EVC2: variants seen among roughly 807,000 people sequenced by gnomAD.
EVC2 encodes the protein EvC ciliary complex subunit 2.
A neutral mutation model predicts 149.3 loss-of-function variants in EVC2; 148 were observed. The ratio of observed to expected loss-of-function variants is 0.99; its 90% CI spans 0.87 to 1.14. The LOEUF (loss-of-function observed/expected upper bound fraction) is 1.14. Among genes scored for constraint, EVC2 ranks in the 50% most tolerant of loss-of-function variants. EVC2 has a pLI of 0.00. For missense variants in EVC2, 1,854 were observed against 1,627.3 expected (o/e 1.14, Z -2.40); for synonymous variants, 776 against 649.9 (o/e 1.19, Z -2.95).
Position 5,610,033 on chromosome 4 carries a change from A to G in EVC2, c.2829+5389T>C, listed in dbSNP as rs568647582. ...ATGCAGAGTCTGAAGACCAGTCGTGACCCTGGAGTCACTTCACCTCCCTGT... is the reference window on the plus strand; with the variant it reads ...ATGCAGAGTCTGAAGACCAGTCGTGGCCCTGGAGTCACTTCACCTCCCTGT... On this transcript the variant is annotated intron_variant, in intron 16 of 21. Transcript: ENST00000344408. Among the ~76,000 whole-genome samples the G allele has an allele frequency of 2.0e-5, 3 of 152,256 alleles. No homozygotes were observed. In the South Asian group the frequency reaches 6.2e-4, roughly 32 times the overall value.
At chr4:5,593,012 T>G (rs1712969090) in intron 16 of EVC2, among the ~76,000 whole-genome samples, 1 of 152,210 alleles carries the variant, frequency 6.6e-6, no homozygotes, top group African/African-American at 2.4e-5. Context: ...TGATGGTTTT[T>G]TAAGGGATTT....
chr4:5,706,948 T>A (rs898221516), intron 1 of EVC2, among the ~76,000 whole-genome samples: 10 of 152,068 alleles, frequency 6.6e-5, no homozygotes, highest in African/African-American at 2.4e-4. Flanking sequence ...GTAGGCACCG[T>A]CCCTCCCTTC....
chr4:5,663,233 T>C lies in EVC2; in HGVS notation c.1019A>G (p.Glu340Gly). Residue 340 changes from glutamate to glycine, a missense_variant, in exon 9 of 22, where the codon GAG (glutamate) becomes GGG (glycine). Glu to Gly is a moderately conservative substitution (Grantham distance 98). Coordinates refer to ENST00000344408, the MANE Select transcript of EVC2 (RefSeq NM_147127.5). The part of the protein sequence containing the change: ...MLTRHRVWQY[E>G]SKLEPLPFTS... Reference sequence around the variant, plus strand: ...GAACGGCAAGGGTTCCAGCTTGCTCTCATACTGCCAAACCTTCAGGAGAAT... The same window carrying C: ...GAACGGCAAGGGTTCCAGCTTGCTCCCATACTGCCAAACCTTCAGGAGAAT... The C allele has an allele frequency of 6.2e-7, 1 of 1,614,138 alleles. No individual in the cohort carries two copies. The highest frequency in any genetic ancestry group is 8.5e-7 in the Non-Finnish European group (1 of 1,179,998).
intron 19 of EVC2, 97 bp from the exon 20 acceptor site, chr4:5,568,737 G>A (rs994643693): frequency 7.6e-7 from 1 of 1,309,342 alleles, no homozygotes; most frequent in Non-Finnish European, 1.1e-6. Flanking sequence ...CTGTCCTGGA[G>A]TGATAAATAT....
chr4:5,685,622 A>T (rs1577251855), intron 5 of EVC2, 143 bp from the exon 6 acceptor site: 1 of 675,576 alleles, frequency 1.5e-6, no homozygotes, highest in Admixed American at 2.3e-5. Flanking sequence ...GCAGCAAGGA[A>T]GCCCTTTGTA....
chr4:5,548,378 T>G (rs1053413732), intron 21 of EVC2, among the ~76,000 whole-genome samples: 1 of 149,082 alleles, frequency 6.7e-6, no homozygotes, highest in Non-Finnish European at 1.5e-5. Flanking sequence ...GAGACAACCT[T>G]GAGGGTGGAA....
chr4:5,562,643 T>G lies in EVC2; in HGVS notation c.*205A>C, dbSNP rs1259571449. On this transcript the variant is annotated 3_prime_UTR_variant, in exon 22 of 22. Coordinates refer to ENST00000344408, the MANE Select transcript of EVC2 (RefSeq NM_147127.5). This position sits in a 1 kb window ranked among gnomAD's most constrained non-coding sequence, Gnocchi z 4.3. The stretch of plus-strand genomic sequence containing the variant: ...GAAAGAAGGAGTGTTTATGTCCTTG[T>G]GATATGGAAGAGAGTGGGCCATCTG... 1 of 1,440,450 alleles carries G rather than the reference T, an allele frequency of 6.9e-7. No individual in the cohort carries two copies. 89.2% of individuals were successfully genotyped at this position (1,440,450 alleles called of 1,614,324 possible). A position where few individuals can be genotyped will look rare whatever the true frequency, so the allele number is the denominator to read the frequency against.
rs1287911899 is a variant in EVC2 at position 5,563,032 on chromosome 4, G to C, written c.3743C>G (p.Pro1248Arg). ...KGSWPHLSLE[P>R]IGELAPVPIV... Reference sequence around the variant, plus strand: ...GGGTACAGGGGCCAGTTCGCCAATGGGCTCCAGTGACAGGTGTGGCCAACT... The same window carrying C: ...GGGTACAGGGGCCAGTTCGCCAATGCGCTCCAGTGACAGGTGTGGCCAACT... Residue 1248 changes from proline (P) to arginine (R), a missense_variant, in exon 22 of 22, where the codon CCC (proline) becomes CGC (arginine). By Grantham distance (103) the Pro-to-Arg change is moderately radical. Coordinates refer to ENST00000344408, the MANE Select transcript of EVC2 (RefSeq NM_147127.5). The C allele has an allele frequency of 6.2e-7, 1 of 1,614,176 alleles. No homozygotes were observed. The highest frequency in any genetic ancestry group is 1.1e-5 in the South Asian group (1 of 91,084).
chr4:5,550,599 C>T (rs1051704821), intron 21 of EVC2, among the ~76,000 whole-genome samples: 19 of 152,212 alleles, frequency 1.2e-4, no homozygotes, highest in South Asian at 1.2e-3. Context: ...AGCCTGAGAA[C>T]GCAATAGAAA....
At chr4:5,634,494 T>C (rs975571161) in intron 10 of EVC2, among the ~76,000 whole-genome samples, 2 of 152,216 alleles carry the variant, frequency 1.3e-5, no homozygotes, top group African/African-American at 4.8e-5. Flanking sequence ...AATTTCCATT[T>C]AGCTTCTCAC....
chr4:5,583,898 C>A (rs1309556522), intron 17 of EVC2, among the ~76,000 whole-genome samples: 1 of 150,094 alleles, frequency 6.7e-6, no homozygotes, highest in African/African-American at 2.4e-5. Context: ...CTCTGTCTCA[C>A]CCAGGCTGGA....
Position 5,618,786 on chromosome 4 carries a change from T to C in EVC2, c.2502-104A>G, listed in dbSNP as rs1343619954. The C allele has an allele frequency of 5.3e-6, 6 of 1,134,780 alleles. No individual in the cohort carries two copies. In the African/African-American group the frequency reaches 6.2e-5, roughly 12 times the overall value. The allele number at this position is 1,134,780 out of a possible 1,614,324, so 70.3% of individuals were successfully genotyped here. On this transcript the variant is annotated intron_variant, in intron 14 of 21. Transcript: ENST00000344408. This position sits in a 1 kb window ranked among gnomAD's most constrained non-coding sequence, Gnocchi z 4.4. ...AAAGCTCATTCCTCATATCCATGTC[T>C]GCAGAAAAAGCACTGGCTCCTTAAT...
At chr4:5,706,848 A>G (rs966136906) in intron 1 of EVC2, among the ~76,000 whole-genome samples, 2 of 152,154 alleles carry the variant, frequency 1.3e-5, no homozygotes, top group African/African-American at 4.8e-5. Flanking sequence ...ACAGGTGCTC[A>G]TTCCCAGATT....
rs1252994889 is a variant in EVC2 at position 5,665,546 on chromosome 4, C to T, written c.974G>A (p.Cys325Tyr). The T allele has an allele frequency of 1.2e-6, 2 of 1,614,060 alleles. No homozygotes were observed. Among genetic ancestry groups the T allele is most frequent in the Non-Finnish European group, 1.7e-6 (2 of 1,180,046 alleles). ...AALFLMVRYQ[C>Y]LKGNMLTRHR... ...TCTGGTGAGCATGTTTCCCTTCAGA[C>T]ACTGATAGCGAACCATGAGGAAGAG... Residue 325 changes from cysteine (C) to tyrosine (Y), a missense_variant, in exon 8 of 22, where the codon TGT becomes TAT. Coordinates refer to ENST00000344408, the MANE Select transcript of EVC2 (RefSeq NM_147127.5).
At chr4:5,706,165 A>C (rs1472731753) in intron 1 of EVC2, among the ~76,000 whole-genome samples, 3 of 151,664 alleles carry the variant, frequency 2.0e-5, no homozygotes, top group Non-Finnish European at 2.9e-5. Flanking sequence ...TCCAGACTAA[A>C]TGACCTCCTT....
At chr4:5,690,375 T>C (rs531321939) in intron 4 of EVC2, among the ~76,000 whole-genome samples, 1 of 152,012 alleles carries the variant, frequency 6.6e-6, no homozygotes, top group Admixed American at 6.6e-5. Context: ...GCCTGCAGAA[T>C]ATCCTTGCCT....
intron 17 of EVC2, among the ~76,000 whole-genome samples, chr4:5,577,190 A>T (rs1037921702): frequency 6.6e-6 from 1 of 152,216 alleles, no homozygotes; most frequent in Non-Finnish European, 1.5e-5. Context: ...TTGTCAGATG[A>T]TGTAACTATT....
chr4:5,531,396 G>A, the EVC2 span, among the ~76,000 whole-genome samples: 1 of 152,112 alleles, frequency 6.6e-6, no homozygotes, highest in Non-Finnish European at 1.5e-5. Context: ...TTAAGTCAGG[G>A]GTCTCCAACC....
intron 7 of EVC2, among the ~76,000 whole-genome samples, chr4:5,680,987 G>A (rs532240488): frequency 6.2e-4 from 95 of 152,354 alleles, no homozygotes; most frequent in African/African-American, 2.0e-3. Flanking sequence ...AGGTAGGAGC[G>A]TGACTGGACA....
Sources: allele counts gnomAD v4.1 joint callset (sites outside exome capture counted in the v4.1 genomes callset), GRCh38; gene constraint gnomAD v4.1.1; non-coding constraint Gnocchi (gnomAD v3.1); transcripts MANE v1.5; gene names NCBI Gene and HGNC (gene_info 2026-07-23, HGNC 2026-07-21).